MAN1A1: variants seen among roughly 807,000 people sequenced by gnomAD.
The protein encoded by MAN1A1 is mannosyl-oligosaccharide 1,2-alpha-mannosidase IA.
MAN1A1 carries 29 observed loss-of-function variants against 70.8 expected under a neutral mutation model. The ratio of observed to expected loss-of-function variants is 0.41; its 90% CI spans 0.31 to 0.56. MAN1A1 has a LOEUF of 0.56. Ranked by LOEUF, MAN1A1 falls within the 20% of genes least tolerant of loss-of-function variation. The probability of loss-of-function intolerance (pLI) is 0.29; values close to 1 mark genes in which losing one functional copy is unlikely to be tolerated. For synonymous variants in MAN1A1, 349 were observed against 330.1 expected (o/e 1.06, Z -0.62); for missense variants, 747 against 841.3 (o/e 0.89, Z 1.39).
At chr6:119,324,660 C>A (rs1175093430) in intron 2 of MAN1A1, among the ~76,000 whole-genome samples, 2 of 152,192 alleles carry the variant, frequency 1.3e-5, no homozygotes, top group Non-Finnish European at 2.9e-5. Context: ...ATCACCAGAA[C>A]AATTATTTTC....
intron 5 of MAN1A1, among the ~76,000 whole-genome samples, chr6:119,267,604 G>A (rs1285930914): frequency 6.6e-6 from 1 of 152,042 alleles, no homozygotes; most frequent in Non-Finnish European, 1.5e-5. Context: ...TAAGACACAT[G>A]CCATAGTAAG....
At chr6:119,183,498 A>C (rs960400284) in intron 11 of MAN1A1, among the ~76,000 whole-genome samples, 1 of 152,164 alleles carries the variant, frequency 6.6e-6, no homozygotes, top group African/African-American at 2.4e-5. Context: ...TTTAGAAAAA[A>C]TGGGCAAGGT....
At position 119,306,931 on chromosome 6, in the gene MAN1A1, G is replaced by A. The variant is rs1449510006; in HGVS notation, c.665C>T (p.Pro222Leu). 6.2e-7 allele frequency: 1 copy of A among 1,600,136 alleles called. No homozygotes were observed. The highest frequency in any genetic ancestry group is 8.6e-7 in the Non-Finnish European group (1 of 1,167,704). The change falls in exon 3 of 13, where the codon CCT becomes CTT. Residue 222 changes from proline to leucine, a missense_variant. Transcript: ENST00000368468. ...GYAWGLNELK[P>L]ISKGGHSSSL... Reference sequence around the variant, plus strand: ...GCTTGAATGGCCTCCTTTTGATATAGGTTTGAGTTCATTTAATCCCCAGGC... The same window carrying A: ...GCTTGAATGGCCTCCTTTTGATATAAGTTTGAGTTCATTTAATCCCCAGGC...
chr6:119,347,417 T>A (rs1773760073), intron 2 of MAN1A1, among the ~76,000 whole-genome samples: 1 of 152,234 alleles, frequency 6.6e-6, no homozygotes, highest in Non-Finnish European at 1.5e-5. Flanking sequence ...AAATATTACT[T>A]CCATTCATAT....
chr6:119,290,822 T>C, intron 4 of MAN1A1, 59 bp from the exon 5 acceptor site: 1 of 1,111,640 alleles, frequency 9.0e-7, no homozygotes, highest in Non-Finnish European at 1.4e-6. Context: ...ACCATTATTG[T>C]GATAAATTAT....
Position 119,227,035 on chromosome 6 carries a change from C to A in MAN1A1, c.992+21225G>T, listed in dbSNP as rs189883403. 3.3e-5 allele frequency among the ~76,000 whole-genome samples: 5 copies of A among 152,202 alleles called. No individual in the cohort carries two copies. In the East Asian group the frequency reaches 9.6e-4, roughly 29 times the overall value. On this transcript the variant is annotated intron_variant, in intron 6 of 12. Transcript: ENST00000368468. ...TGAAAATTAGAGATAACACAAACAT[C>A]CATAAACAGGAGAATAAACTATAGT...
At chr6:119,225,366 C>T (rs957948194) in intron 6 of MAN1A1, among the ~76,000 whole-genome samples, 1 of 151,524 alleles carries the variant, frequency 6.6e-6, no homozygotes, top group African/African-American at 2.4e-5. Flanking sequence ...TGAACTCTAG[C>T]CTGAGTGACA....
At chr6:119,287,216 T>C (rs774716724) in intron 5 of MAN1A1, among the ~76,000 whole-genome samples, 23 of 152,128 alleles carry the variant, frequency 1.5e-4, no homozygotes, top group Non-Finnish European at 3.4e-4. Flanking sequence ...AAGGTGATAG[T>C]ACAGCTATAG....
At chr6:119,313,780 C>G (rs1294409257) in intron 2 of MAN1A1, among the ~76,000 whole-genome samples, 1 of 152,058 alleles carries the variant, frequency 6.6e-6, no homozygotes, top group Non-Finnish European at 1.5e-5. Context: ...AGTCCACTGT[C>G]TGCTCTCTGG....
intron 8 of MAN1A1, among the ~76,000 whole-genome samples, chr6:119,195,463 G>A (rs182718191): frequency 1.7e-4 from 26 of 152,178 alleles, no homozygotes; most frequent in South Asian, 1.7e-3. Context: ...TTCGTATCTG[G>A]GACCAAATGA....
intron 6 of MAN1A1, among the ~76,000 whole-genome samples, chr6:119,219,594 G>GT (rs199942493): frequency 1.4e-3 from 202 of 141,204 alleles, no homozygotes; most frequent in African/African-American, 4.7e-3. Flanking sequence ...ATCTGTTTTT[G>GT]TTTTTTTTTC....
At chr6:119,293,149 C>T (rs569059427) in intron 4 of MAN1A1, among the ~76,000 whole-genome samples, 9 of 151,930 alleles carry the variant, frequency 5.9e-5, no homozygotes, top group East Asian at 1.9e-4. Flanking sequence ...CTCTTCCTGC[C>T]GTGAAAATTT....
intron 2 of MAN1A1, among the ~76,000 whole-genome samples, chr6:119,313,234 A>T (rs2114462102): frequency 6.6e-6 from 1 of 152,266 alleles, no homozygotes; most frequent in African/African-American, 2.4e-5. Flanking sequence ...TACCACAATT[A>T]CATCTGAAAG....
At chr6:119,331,684 CCAAA>C (rs1456808499) in intron 2 of MAN1A1, among the ~76,000 whole-genome samples, 1 of 150,836 alleles carries the variant, frequency 6.6e-6, no homozygotes, top group African/African-American at 2.4e-5. Context: ...AGAGGCTTTT[CCAAA>C]CAAACTGAGC....
At chr6:119,257,277 T>C (rs938476775) in intron 5 of MAN1A1, among the ~76,000 whole-genome samples, 8 of 152,138 alleles carry the variant, frequency 5.3e-5, no homozygotes, top group Admixed American at 2.6e-4. Context: ...ACAGATTAAA[T>C]AAGATAAGCT....
At chr6:119,240,840 T>C (rs1317520678) in intron 6 of MAN1A1, among the ~76,000 whole-genome samples, 1 of 152,184 alleles carries the variant, frequency 6.6e-6, no homozygotes, top group African/African-American at 2.4e-5. Context: ...AGGTATTGAG[T>C]GCCTGGCAGA....
At chr6:119,344,814 AACT>A (rs1461944206) in intron 2 of MAN1A1, among the ~76,000 whole-genome samples, 2 of 152,260 alleles carry the variant, frequency 1.3e-5, no homozygotes. Flanking sequence ...TGTGAATTTT[AACT>A]ACTAGCCATC....
At chr6:119,260,976 G>GATTTTTT (rs1554209499) in intron 5 of MAN1A1, among the ~76,000 whole-genome samples, 2 of 116,942 alleles carry the variant, frequency 1.7e-5, no homozygotes, top group Admixed American at 9.4e-5. Context: ...TTTTTTTATT[G>GATTTTTT]TTTTTTTTTT....
chr6:119,241,914 G>A (rs995054696), intron 6 of MAN1A1, among the ~76,000 whole-genome samples: 1 of 150,484 alleles, frequency 6.6e-6, no homozygotes, highest in Non-Finnish European at 1.5e-5. Flanking sequence ...GTGTGTGTGT[G>A]TGTGTGTGTT....
Sources: gnomAD v4.1 joint callset for allele counts (sites outside exome capture counted in the v4.1 genomes callset) on GRCh38, gnomAD v4.1.1 for gene constraint, MANE v1.5 for transcripts, NCBI Gene and HGNC (gene_info 2026-07-23, HGNC 2026-07-21) for gene names.